The following VPS8 variants were observed in gnomAD, a reference collection of about 807,000 sequenced individuals.
VPS8 encodes VPS8 subunit of CORVET complex, also known as vacuolar protein sorting-associated protein 8 homolog.
In VPS8, 129 loss-of-function variants were observed where a neutral mutation model predicts 216.4. That is an observed-to-expected ratio of 0.60 (90% CI 0.52 to 0.69). VPS8 has a LOEUF of 0.69. Ranked by LOEUF, VPS8 falls within the 30% of genes least tolerant of loss-of-function variation. The probability of loss-of-function intolerance (pLI) is 0.00; values close to 1 mark genes in which losing one functional copy is unlikely to be tolerated. For missense variants in VPS8, 1,531 were observed against 1,683.5 expected (o/e 0.91, Z 1.59); for synonymous variants, 571 against 565.4 (o/e 1.01, Z -0.14).
intron 22 of VPS8, among the ~76,000 whole-genome samples, chr3:184,893,034 T>G (rs1193975806): frequency 1.3e-5 from 2 of 152,168 alleles, no homozygotes; most frequent in Admixed American, 6.5e-5. Flanking sequence ...GAATTATTGA[T>G]TCAAATGAAA....
chr3:184,871,547 T>C (rs1435840034), intron 21 of VPS8, among the ~76,000 whole-genome samples: 2 of 152,138 alleles, frequency 1.3e-5, no homozygotes, highest in Non-Finnish European at 2.9e-5. Context: ...TCTTTTGTTT[T>C]TTGATTTTTT....
intron 16 of VPS8, among the ~76,000 whole-genome samples, chr3:184,865,378 G>A (rs1727145430): frequency 6.6e-6 from 1 of 151,966 alleles, no homozygotes; most frequent in Admixed American, 6.6e-5. Context: ...CAACCAGTGG[G>A]GAAAAAAAGA....
chr3:185,048,113 C>A (rs1713351468), intron 46 of VPS8, among the ~76,000 whole-genome samples: 1 of 152,178 alleles, frequency 6.6e-6, no homozygotes, highest in Non-Finnish European at 1.5e-5. Context: ...AAAGCGGTAT[C>A]TTTGCTGGCC....
At chr3:184,954,124 A>G (rs1483164031) in intron 36 of VPS8, among the ~76,000 whole-genome samples, 1 of 152,188 alleles carries the variant, frequency 6.6e-6, no homozygotes, top group Admixed American at 6.5e-5. Context: ...CTGGTTTATA[A>G]TAAAGGATAT....
intron 24 of VPS8, among the ~76,000 whole-genome samples, chr3:184,899,465 A>C (rs954366678): frequency 6.6e-6 from 1 of 152,166 alleles, no homozygotes; most frequent in East Asian, 1.9e-4. Flanking sequence ...TAGGGCGAGT[A>C]CCCCTCTAAT....
At chr3:185,038,194 G>A (rs887600341) in intron 46 of VPS8, among the ~76,000 whole-genome samples, 2 of 152,210 alleles carry the variant, frequency 1.3e-5, no homozygotes, top group African/African-American at 4.8e-5. Context: ...TGTTTCTCAA[G>A]TAGGCGTAGC....
chr3:184,868,094 T>C lies in VPS8; in HGVS notation c.1506+35T>C, dbSNP rs761117474. 17 of 1,604,982 alleles carry C rather than the reference T, an allele frequency of 1.1e-5. No individual in the cohort carries two copies. In the Admixed American group the frequency reaches 2.5e-4, roughly 24 times the overall value. ...AAGTAATTTCACATGTCAGAGTTAC[T>C]GAATTGGTAGCTTCTTAACATTTCT... On this transcript the variant is annotated intron_variant, in intron 18 of 47. Coordinates refer to ENST00000625842, the MANE Select transcript of VPS8 (RefSeq NM_001009921.3).
chr3:184,830,454 T>TCACACACA (rs3040915), intron 3 of VPS8, among the ~76,000 whole-genome samples: 1,637 of 147,790 alleles, frequency 0.011, 24 homozygotes, highest in African/African-American at 0.033. Flanking sequence ...GTTTATCAGT[T>TCACACACA]CACACACACA....
Position 184,982,581 on chromosome 3 carries a change from T to C in VPS8, c.3436T>C (p.Leu1146=). The C allele has an allele frequency of 6.2e-7, 1 of 1,613,376 alleles. No homozygotes were observed. Residue 1146 remains leucine, a synonymous_variant, in exon 41 of 48, where the codon TTA becomes CTA. Transcript: ENST00000625842. ...GACATTATAGGCACTTTGGTTTCCG[T>C]TATTGGAGGCAATGATGGCCCCTCA... ...QQQREALWFP[L]LEAMMAPQKL...
chr3:185,009,382 C>A (rs1434199655), intron 45 of VPS8, among the ~76,000 whole-genome samples: 2 of 152,140 alleles, frequency 1.3e-5, no homozygotes, highest in Non-Finnish European at 2.9e-5. Flanking sequence ...TTTAAAAATA[C>A]ATAATTAAAC....
At chr3:185,003,155 C>CCTT (rs1266312903) in intron 45 of VPS8, among the ~76,000 whole-genome samples, 1 of 44,926 alleles carries the variant, frequency 2.2e-5, no homozygotes, top group African/African-American at 8.2e-5. Context: ...TATTTTTTCT[C>CCTT]ATTTTTTTTT....
intron 22 of VPS8, among the ~76,000 whole-genome samples, chr3:184,887,646 T>C (rs957605578): frequency 6.6e-6 from 1 of 152,210 alleles, no homozygotes; most frequent in Non-Finnish European, 1.5e-5. Context: ...TCCTGTGTTC[T>C]TGGTTTTAAC....
intron 36 of VPS8, among the ~76,000 whole-genome samples, chr3:184,954,398 G>T (rs992738252): frequency 6.6e-6 from 1 of 152,114 alleles, no homozygotes; most frequent in Non-Finnish European, 1.5e-5. Flanking sequence ...TCAGGGCTGG[G>T]GTGGGACTGA....
intron 40 of VPS8, among the ~76,000 whole-genome samples, chr3:184,973,878 A>G (rs1199814377): frequency 1.3e-5 from 2 of 152,040 alleles, no homozygotes; most frequent in African/African-American, 4.8e-5. Flanking sequence ...TCAGGATTTC[A>G]TCCTTTTTTA....
chr3:185,005,613 G>GTATTTTATT (rs1754130247), intron 45 of VPS8, among the ~76,000 whole-genome samples: 1 of 148,450 alleles, frequency 6.7e-6, no homozygotes. Flanking sequence ...ATATTCCTAA[G>GTATTTTATT]TATTTTATTT....
chr3:184,979,282 T>C (rs1004881603), intron 40 of VPS8, among the ~76,000 whole-genome samples: 4 of 152,176 alleles, frequency 2.6e-5, no homozygotes, highest in Admixed American at 2.0e-4. Flanking sequence ...TCTGTTATTA[T>C]TGGGTGGAAT....
intron 45 of VPS8, among the ~76,000 whole-genome samples, chr3:185,013,250 G>T (rs1042320925): frequency 5.9e-5 from 9 of 152,326 alleles, no homozygotes; most frequent in Non-Finnish European, 1.0e-4. Flanking sequence ...CAGTTTGGGG[G>T]CCAGTTTATG....
At chr3:184,899,541 C>T (rs893720655) in intron 24 of VPS8, among the ~76,000 whole-genome samples, 3 of 152,182 alleles carry the variant, frequency 2.0e-5, no homozygotes, top group Admixed American at 6.5e-5. Context: ...AGTCCCCCAC[C>T]CTTCTACCTC....
At chr3:184,893,317 C>G in intron 22 of VPS8, 1 of 1,283,308 alleles carries the variant, frequency 7.8e-7, no homozygotes, top group Non-Finnish European at 1.0e-6. Flanking sequence ...AAAGACCATA[C>G]CTGTGAATAA....
Sources: gnomAD v4.1 joint callset for allele counts (sites outside exome capture counted in the v4.1 genomes callset) on GRCh38, gnomAD v4.1.1 for gene constraint, MANE v1.5 for transcripts, NCBI Gene and HGNC (gene_info 2026-07-23, HGNC 2026-07-21) for gene names.